Variants in TSC22D1 observed in about 807,000 individuals in gnomAD.
TSC22D1 encodes TSC22 domain family protein 1.
A neutral mutation model predicts 74.2 loss-of-function variants in TSC22D1; 9 were observed. That is an observed-to-expected ratio of 0.12 (90% CI 0.07 to 0.21). The LOEUF is 0.21. Ranked by LOEUF, TSC22D1 falls within the 10% of genes least tolerant of loss-of-function variation. The pLI is 1.00. For missense variants in TSC22D1, 1,427 were observed against 1,304.7 expected, an observed-to-expected ratio of 1.09 and a Z score of -1.44; for synonymous variants, 586 against 492.5, an observed-to-expected ratio of 1.19 and a Z score of -2.51.
In TSC22D1 at chr13:44,573,643, T is replaced by C; in HGVS notation, c.2432A>G (p.Gln811Arg). The C allele has an allele frequency of 6.2e-7, 1 of 1,613,618 alleles. No homozygotes were observed. Among genetic ancestry groups the C allele is most frequent in the Non-Finnish European group, 8.5e-7 (1 of 1,179,496 alleles). The change falls in exon 1 of 3, where the codon CAA (glutamine) becomes CGA (arginine). Residue 811 changes from glutamine to arginine, a missense_variant. This residue lies in a region of TSC22D1 where 1,343 missense variants were observed against 1,191.5 expected (regional missense o/e 1.13). Coordinates refer to ENST00000458659, the MANE Select transcript of TSC22D1 (RefSeq NM_183422.4). ...AGGCAACTGCTGTGAAACAATTCCT[T>C]GAGCTACTGGTTCTACTCCTTGTGG... is the stretch of plus-strand genomic sequence containing the variant. ...PQPQGVEPVA[Q>R]GIVSQQLPAV...
chr13:44,527,654 A>C (rs1395017472), intron 1 of TSC22D1, among the ~76,000 whole-genome samples: 1 of 152,154 alleles, frequency 6.6e-6, no homozygotes, highest in Non-Finnish European at 1.5e-5. Flanking sequence ...AATGAACAGA[A>C]AAGCTGCAAA....
intron 1 of TSC22D1, among the ~76,000 whole-genome samples, chr13:44,532,460 G>A (rs79685897): frequency 0.065 from 9,819 of 151,732 alleles, 409 homozygotes; most frequent in African/African-American, 0.11. Flanking sequence ...GCTGCAGTGC[G>A]CTCACAGAAG....
intron 1 of TSC22D1, among the ~76,000 whole-genome samples, chr13:44,482,860 TTTA>T (rs1011056757): frequency 4.6e-5 from 7 of 152,220 alleles, no homozygotes; most frequent in African/African-American, 1.7e-4. Context: ...GCAACTAACA[TTTA>T]TTGAGTGCTT....
intron 1 of TSC22D1, among the ~76,000 whole-genome samples, chr13:44,531,774 G>C (rs1412603207): frequency 1.3e-5 from 2 of 152,160 alleles, no homozygotes; most frequent in African/African-American, 4.8e-5. Context: ...GTAATTAAAA[G>C]CACTATTATA....
chr13:44,499,143 T>G (rs1326134475), intron 1 of TSC22D1, among the ~76,000 whole-genome samples: 1 of 152,252 alleles, frequency 6.6e-6, no homozygotes, highest in Non-Finnish European at 1.5e-5. Context: ...CCTGTACCAC[T>G]ATCTACCAAT....
Position 44,574,626 on chromosome 13 carries a change from A to G in TSC22D1, c.1449T>C (p.Ser483=). 5 of 1,613,438 alleles carry G rather than the reference A, an allele frequency of 3.1e-6. No homozygotes were observed. Among genetic ancestry groups the G allele is most frequent in the African/African-American group, 1.3e-5 (1 of 74,728 alleles). ...GGGCTCCCATCTCTCCACTTCCCACACTCTCTGTATAGTGACTCAGTGTGC... is the reference window on the plus strand; with the variant it reads ...GGGCTCCCATCTCTCCACTTCCCACGCTCTCTGTATAGTGACTCAGTGTGC... ...SVSTLSHYTE[S]VGSGEMGAPT... Residue 483 remains serine, a synonymous_variant, in exon 1 of 3, where the codon AGT becomes AGC. Transcript: ENST00000458659.
intron 1 of TSC22D1, among the ~76,000 whole-genome samples, chr13:44,570,363 G>C (rs1883678412): frequency 6.6e-6 from 1 of 151,696 alleles, no homozygotes; most frequent in South Asian, 2.1e-4. Context: ...GCTAATTTTT[G>C]TATTTTTTTG....
At chr13:44,537,237 A>G (rs1881202122) in intron 1 of TSC22D1, 2 of 915,912 alleles carry the variant, frequency 2.2e-6, no homozygotes, top group Admixed American at 6.2e-5. Flanking sequence ...TCATTTTGTG[A>G]CATAAAATAT....
In TSC22D1 at chr13:44,446,309, A is replaced by G. The variant is rs997752836; in HGVS notation, c.2913-10214T>C. On this transcript the variant is annotated intron_variant, in intron 1 of 2. Coordinates refer to ENST00000458659, the MANE Select transcript of TSC22D1 (RefSeq NM_183422.4). ...ATTTATGAGACATTCTAGAGTAGGT[A>G]AAACTATAGAGACAAAAACCAGATC... Among the ~76,000 whole-genome samples the G allele has an allele frequency of 5.9e-5, 9 of 152,238 alleles. No homozygotes were observed. In the East Asian group the frequency reaches 1.7e-3, roughly 29 times the overall value.
chr13:44,559,693 CTT>C (rs36114777), intron 1 of TSC22D1, among the ~76,000 whole-genome samples: 23 of 140,154 alleles, frequency 1.6e-4, no homozygotes, highest in Admixed American at 2.9e-4. Flanking sequence ...CCAAAAATTT[CTT>C]TTTTTTTTTT....
At chr13:44,478,171 T>C (rs1345865106) in intron 1 of TSC22D1, among the ~76,000 whole-genome samples, 1 of 152,152 alleles carries the variant, frequency 6.6e-6, no homozygotes, top group Non-Finnish European at 1.5e-5. Flanking sequence ...AATCACAACA[T>C]TCTCTTAGAG....
intron 1 of TSC22D1, among the ~76,000 whole-genome samples, chr13:44,446,053 T>C (rs1009583492): frequency 2.0e-4 from 30 of 152,292 alleles, no homozygotes; most frequent in African/African-American, 7.0e-4. Flanking sequence ...ATTGAAAACA[T>C]GTTACCACAA....
At chr13:44,461,092 G>A (rs1876971369) in intron 1 of TSC22D1, among the ~76,000 whole-genome samples, 1 of 152,202 alleles carries the variant, frequency 6.6e-6, no homozygotes, top group Admixed American at 6.5e-5. Context: ...ACAGTGGAAT[G>A]TTTATTGAAC....
At chr13:44,471,046 T>G (rs1226994552) in intron 1 of TSC22D1, among the ~76,000 whole-genome samples, 1 of 152,224 alleles carries the variant, frequency 6.6e-6, no homozygotes, top group Non-Finnish European at 1.5e-5. Context: ...ATTTAAAAGT[T>G]CTGGCATATA....
intron 1 of TSC22D1, among the ~76,000 whole-genome samples, chr13:44,477,892 C>T (rs1241727207): frequency 6.6e-6 from 1 of 152,010 alleles, no homozygotes; most frequent in Non-Finnish European, 1.5e-5. Context: ...CTGCCCGCCT[C>T]AGCCTCCCAA....
rs1425742782 is a variant in TSC22D1 at position 44,526,983 on chromosome 13, G to T, written c.2912+46180C>A. Among the ~76,000 whole-genome samples the T allele has an allele frequency of 9.9e-5, 15 of 152,232 alleles. No homozygotes were observed. The East Asian group carries it at 2.9e-3, about 29-fold the overall frequency. On this transcript the variant is annotated intron_variant, in intron 1 of 2. Coordinates refer to ENST00000458659, the MANE Select transcript of TSC22D1 (RefSeq NM_183422.4). ...GAAACCTTACCTATTGAGGAACAAG[G>T]ATAAGAATTACATCAGACATTTCTT...
chr13:44,575,366 G>A lies in TSC22D1; in HGVS notation c.709C>T (p.His237Tyr), dbSNP rs199768795. Residue 237 changes from histidine (H) to tyrosine (Y), a missense_variant, in exon 1 of 3, where the codon CAC (histidine) becomes TAC (tyrosine). His to Tyr is a moderately conservative substitution (Grantham distance 83). Transcript: ENST00000458659. ...GCCACAGCAACATGAGATGGATGGT[G>A]GTGACCATGTTGGAGGTGGTGCCCA... Reference protein sequence around the residue: ...HHGHHLQHGHHHPSHVAVASA... With the variant: ...HHGHHLQHGHYHPSHVAVASA... 2 of 1,614,116 alleles carry A rather than the reference G, an allele frequency of 1.2e-6. No individual in the cohort carries two copies. Among genetic ancestry groups the A allele is most frequent in the East Asian group, 2.2e-5 (1 of 44,880 alleles).
intron 1 of TSC22D1, among the ~76,000 whole-genome samples, chr13:44,541,895 G>A (rs1340710185): frequency 6.6e-6 from 1 of 151,912 alleles, no homozygotes; most frequent in Non-Finnish European, 1.5e-5. Flanking sequence ...GTACCTATAT[G>A]GTGCAAATAG....
chr13:44,568,817 G>A (rs952362212), intron 1 of TSC22D1, among the ~76,000 whole-genome samples: 3 of 152,208 alleles, frequency 2.0e-5, no homozygotes, highest in Non-Finnish European at 2.9e-5. Context: ...AGCGCTGACA[G>A]ATGAAAACCT....
Sources: gnomAD v4.1 joint callset for allele counts (sites outside exome capture counted in the v4.1 genomes callset) on GRCh38, gnomAD v4.1.1 for gene constraint, gnomAD v4.1.1 regional missense constraint, MANE v1.5 for transcripts, NCBI Gene and HGNC (gene_info 2026-07-23, HGNC 2026-07-21) for gene names.